Variants in SH3PXD2A observed in about 807,000 individuals in gnomAD.
The protein encoded by SH3PXD2A is SH3 and PX domains 2A, also known as SH3 and PX domain-containing protein 2A.
Under a neutral mutation model 115.2 loss-of-function variants are expected in SH3PXD2A, and 32 were observed. That is an observed-to-expected ratio of 0.28 (90% CI 0.21 to 0.37). The LOEUF (loss-of-function observed/expected upper bound fraction) is 0.37. Ranked by LOEUF, SH3PXD2A falls within the 10% of genes least tolerant of loss-of-function variation. The pLI is 1.00. For missense variants in SH3PXD2A, 1,328 were observed against 1,498.7 expected (o/e 0.89, Z 1.88); for synonymous variants, 610 against 629.1 (o/e 0.97, Z 0.45).
chr10:103,694,365 T>C (rs918066012), intron 5 of SH3PXD2A, among the ~76,000 whole-genome samples: 1 of 152,130 alleles, frequency 6.6e-6, no homozygotes, highest in Non-Finnish European at 1.5e-5. Context: ...GTCATCCTCA[T>C]GGAGGCTCCC....
intron 5 of SH3PXD2A, among the ~76,000 whole-genome samples, chr10:103,708,870 C>T (rs969239999): frequency 1.3e-5 from 2 of 152,044 alleles, no homozygotes; most frequent in African/African-American, 4.8e-5. Context: ...GGGGATAATG[C>T]ATGTCCCCCA....
In SH3PXD2A at chr10:103,620,317, C is replaced by T. The variant is rs1057289382; in HGVS notation, c.802+2153G>A. 1.3e-5 allele frequency among the ~76,000 whole-genome samples: 2 copies of T among 152,118 alleles called. No individual in the cohort carries two copies. The highest frequency in any genetic ancestry group is 6.5e-5 in the Admixed American group (1 of 15,284). Reference sequence around the variant, plus strand: ...GGGGAGGGCTGGCCAGGCGGTCAGCCGGGTGGGTGAGGGGGATAGGCCTGC... The same window carrying T: ...GGGGAGGGCTGGCCAGGCGGTCAGCTGGGTGGGTGAGGGGGATAGGCCTGC... On this transcript the variant is annotated intron_variant, in intron 10 of 14. Coordinates refer to ENST00000369774, the MANE Select transcript of SH3PXD2A (RefSeq NM_001394015.1). This position sits in a 1 kb window ranked among gnomAD's most constrained non-coding sequence, Gnocchi z 5.3.
At chr10:103,793,330 G>T (rs1445408671) in intron 2 of SH3PXD2A, among the ~76,000 whole-genome samples, 2 of 151,078 alleles carry the variant, frequency 1.3e-5, no homozygotes, top group Non-Finnish European at 2.9e-5. Flanking sequence ...TTGTTCTTGG[G>T]TTTTTTTTTA....
intron 1 of SH3PXD2A, among the ~76,000 whole-genome samples, chr10:103,812,187 C>T (rs1458723679): frequency 1.3e-5 from 2 of 152,194 alleles, no homozygotes; most frequent in African/African-American, 4.8e-5. Context: ...CCCTCTGGTC[C>T]CAAGTCAGCT....
intron 1 of SH3PXD2A, among the ~76,000 whole-genome samples, chr10:103,851,027 A>G (rs1023393316): frequency 1.3e-5 from 2 of 150,112 alleles, no homozygotes; most frequent in African/African-American, 2.4e-5. Flanking sequence ...GTAGGATTCA[A>G]GCACTGATCT....
chr10:103,849,338 C>T (rs1489548838), intron 1 of SH3PXD2A, among the ~76,000 whole-genome samples: 4 of 152,196 alleles, frequency 2.6e-5, no homozygotes, highest in African/African-American at 9.7e-5. Flanking sequence ...CCTACCTAAC[C>T]GCATGGGGTT....
chr10:103,769,396 A>C (rs1376060798), intron 2 of SH3PXD2A, among the ~76,000 whole-genome samples: 1 of 151,452 alleles, frequency 6.6e-6, no homozygotes, highest in Non-Finnish European at 1.5e-5. Context: ...ATACAGATGG[A>C]TATTTAACAA....
At chr10:103,836,682 TACAC>T (rs55855121) in intron 1 of SH3PXD2A, among the ~76,000 whole-genome samples, 10 of 148,888 alleles carry the variant, frequency 6.7e-5, no homozygotes, top group African/African-American at 1.7e-4. Flanking sequence ...CACAGACATG[TACAC>T]ACACACACAC....
intron 5 of SH3PXD2A, among the ~76,000 whole-genome samples, chr10:103,705,260 T>C (rs1041608725): frequency 1.3e-5 from 2 of 151,870 alleles, no homozygotes; most frequent in Admixed American, 6.6e-5. Flanking sequence ...CTTGTGCCCA[T>C]GAACCCCAAA....
intron 5 of SH3PXD2A, among the ~76,000 whole-genome samples, chr10:103,700,830 A>G (rs12767448): frequency 0.27 from 41,091 of 152,066 alleles, 5,825 homozygotes; most frequent in Non-Finnish European, 0.31. Context: ...CTAGGGAACC[A>G]TGGGAGGGGG....
intron 8 of SH3PXD2A, among the ~76,000 whole-genome samples, chr10:103,659,165 G>C (rs1299485005): frequency 6.6e-6 from 1 of 152,198 alleles, no homozygotes; most frequent in East Asian, 1.9e-4. Flanking sequence ...GGAGGGGAGA[G>C]GGCGCACATG....
intron 2 of SH3PXD2A, among the ~76,000 whole-genome samples, chr10:103,790,431 G>A (rs972980929): frequency 5.3e-5 from 8 of 152,136 alleles, no homozygotes; most frequent in African/African-American, 1.9e-4. Context: ...TGGGATTACA[G>A]GTGTGAGCCA....
rs955147264 is a variant in SH3PXD2A, at chr10:103,595,025, T to C, written c.*6791A>G. 5.3e-5 allele frequency: 8 copies of C among 152,164 alleles called. No homozygotes were observed. The highest frequency in any genetic ancestry group is 1.9e-4 in the African/African-American group (8 of 41,428). 9.4% of individuals were successfully genotyped at this position (152,164 alleles called of 1,614,324 possible). A position where few individuals can be genotyped will look rare whatever the true frequency, so the allele number is the denominator to read the frequency against. Reference sequence around the variant, plus strand: ...TACAACTTGAGAGACTGGCTTTGGATTGGACAGTCAAAGGGAAGTGGGCAA... The same window carrying C: ...TACAACTTGAGAGACTGGCTTTGGACTGGACAGTCAAAGGGAAGTGGGCAA... On this transcript the variant is annotated 3_prime_UTR_variant, in exon 15 of 15. Transcript: ENST00000369774.
intron 8 of SH3PXD2A, among the ~76,000 whole-genome samples, chr10:103,651,649 T>A (rs2037125167): frequency 6.6e-6 from 1 of 152,254 alleles, no homozygotes; most frequent in South Asian, 2.1e-4. Flanking sequence ...AAAGACAGAA[T>A]GCCAACATCC....
At chr10:103,767,258 C>A in intron 2 of SH3PXD2A, 89 bp from the exon 3 acceptor site, 1 of 934,740 alleles carries the variant, frequency 1.1e-6, no homozygotes, top group Non-Finnish European at 1.7e-6. Context: ...TGCTCCAGGG[C>A]CCCAGTGTCC....
intron 5 of SH3PXD2A, among the ~76,000 whole-genome samples, chr10:103,723,936 T>C (rs12219567): frequency 0.3 from 45,398 of 152,014 alleles, 7,478 homozygotes; most frequent in African/African-American, 0.43. Context: ...TAGCCCTGAG[T>C]GGTCTCGATG....
At chr10:103,801,869 A>G (rs2134265105) in intron 1 of SH3PXD2A, among the ~76,000 whole-genome samples, 1 of 152,042 alleles carries the variant, frequency 6.6e-6, no homozygotes, top group South Asian at 2.1e-4. Flanking sequence ...ATGCCTGGCT[A>G]ATTTTGGTAT....
chr10:103,778,572 G>C (rs1253543472), intron 2 of SH3PXD2A, among the ~76,000 whole-genome samples: 4 of 152,254 alleles, frequency 2.6e-5, no homozygotes, highest in Non-Finnish European at 5.9e-5. Context: ...TAAAATGGGA[G>C]TAGAAACAGC....
At position 103,703,297 on chromosome 10, in the gene SH3PXD2A, C is replaced by G. The variant is rs113063073; in HGVS notation, c.399-10241G>C. Reference sequence around the variant, plus strand: ...TCCTAGACACCATGTGACAAACCCACAAGCACCAAGCAGCCAGATGTGCCC... The same window carrying G: ...TCCTAGACACCATGTGACAAACCCAGAAGCACCAAGCAGCCAGATGTGCCC... On this transcript the variant is annotated intron_variant, in intron 5 of 14. Coordinates refer to ENST00000369774, the MANE Select transcript of SH3PXD2A (RefSeq NM_001394015.1). Among the ~76,000 whole-genome samples, 1,345 of 152,348 alleles carry G rather than the reference C, an allele frequency of 8.8e-3. 11 individuals are homozygous for G. The highest frequency in any genetic ancestry group is 0.012 in the Non-Finnish European group (849 of 68,032).
Sources: allele counts gnomAD v4.1 joint callset (sites outside exome capture counted in the v4.1 genomes callset), GRCh38; gene constraint gnomAD v4.1.1; non-coding constraint Gnocchi (gnomAD v3.1); transcripts MANE v1.5; gene names NCBI Gene and HGNC (gene_info 2026-07-23, HGNC 2026-07-21).